Variants in DOCK2 observed in about 807,000 individuals in gnomAD.
DOCK2 encodes the protein dedicator of cytokinesis 2, also known as dedicator of cytokinesis protein 2.
DOCK2 carries 87 observed loss-of-function variants against 248.9 expected under a neutral mutation model. The observed-to-expected ratio is 0.35, with a 90% confidence interval of 0.29 to 0.42. The LOEUF (loss-of-function observed/expected upper bound fraction) is 0.42, where lower values mean the gene tolerates loss of function less well. Ranked by LOEUF, DOCK2 falls within the 10% of genes least tolerant of loss-of-function variation. DOCK2 has a pLI of 1.00. For synonymous variants in DOCK2, 805 were observed against 821.6 expected, an observed-to-expected ratio of 0.98 and a Z score of 0.35; for missense variants, 1,747 against 2,300.2, an observed-to-expected ratio of 0.76 and a Z score of 4.92.
At chr5:170,002,178 A>G (rs779467221) in intron 30 of DOCK2, among the ~76,000 whole-genome samples, 15 of 152,036 alleles carry the variant, frequency 9.9e-5, no homozygotes, top group Non-Finnish European at 2.2e-4. Context: ...CTACAAATGT[A>G]GTTTCCCATG....
chr5:169,840,142 G>A (rs554592460), intron 26 of DOCK2, among the ~76,000 whole-genome samples: 103 of 152,298 alleles, frequency 6.8e-4, no homozygotes, highest in Middle Eastern at 3.4e-3. Flanking sequence ...GGCTTCTGGG[G>A]AGGCCTCGGG....
chr5:169,668,998 T>C (rs12657748), intron 2 of DOCK2, among the ~76,000 whole-genome samples: 90,517 of 151,894 alleles, frequency 0.6, 27,308 homozygotes, highest in South Asian at 0.73. Flanking sequence ...CCCTGCTGCT[T>C]TTCTCCTCCC....
intron 25 of DOCK2, among the ~76,000 whole-genome samples, chr5:169,770,993 A>C (rs115559879): frequency 6.6e-6 from 1 of 152,222 alleles, no homozygotes; most frequent in Non-Finnish European, 1.5e-5. Context: ...TTGCTTGGCC[A>C]TAAGGGATCA....
At chr5:170,037,781 C>T (rs1049353615) in intron 36 of DOCK2, among the ~76,000 whole-genome samples, 3 of 152,136 alleles carry the variant, frequency 2.0e-5, no homozygotes, top group Non-Finnish European at 4.4e-5. Context: ...CCACTGCGTC[C>T]GGCCACAACA....
intron 22 of DOCK2, among the ~76,000 whole-genome samples, chr5:169,729,983 G>A (rs1310515418): frequency 6.6e-6 from 1 of 152,176 alleles, no homozygotes; most frequent in African/African-American, 2.4e-5. Context: ...TGGAGGTGGA[G>A]TCTCACTCTG....
intron 41 of DOCK2, among the ~76,000 whole-genome samples, chr5:170,054,447 C>T (rs17072023): frequency 0.32 from 49,070 of 152,050 alleles, 8,684 homozygotes; most frequent in African/African-American, 0.47. Flanking sequence ...TAAAGACAGA[C>T]CTAGAAGAGG....
chr5:169,751,869 AG>A (rs1763910952), intron 23 of DOCK2, among the ~76,000 whole-genome samples: 1 of 152,314 alleles, frequency 6.6e-6, no homozygotes. Flanking sequence ...GAGATCTTCA[AG>A]GAACCACTAT....
At chr5:169,670,486 C>A in intron 3 of DOCK2, 56 bp from the exon 4 acceptor site, 1 of 1,588,364 alleles carries the variant, frequency 6.3e-7, no homozygotes, top group Non-Finnish European at 8.6e-7. Flanking sequence ...TCATTCATTT[C>A]TGTGGTGATA....
chr5:169,653,858 G>T (rs1255557672), intron 1 of DOCK2, among the ~76,000 whole-genome samples: 12 of 152,132 alleles, frequency 7.9e-5, no homozygotes, highest in Non-Finnish European at 1.5e-4. Context: ...TCACACACTG[G>T]GACTGTCTTT....
At chr5:170,006,647 T>G (rs969410231) in intron 30 of DOCK2, among the ~76,000 whole-genome samples, 2 of 152,334 alleles carry the variant, frequency 1.3e-5, no homozygotes, top group South Asian at 2.1e-4. Flanking sequence ...TTTGTTTTTT[T>G]GGGCCCTGGG....
chr5:169,674,692 C>T (rs1759236308), intron 6 of DOCK2, among the ~76,000 whole-genome samples: 1 of 152,204 alleles, frequency 6.6e-6, no homozygotes, highest in Non-Finnish European at 1.5e-5. Context: ...TTAGGACACT[C>T]ATTTAACCTA....
At chr5:169,644,740 G>T (rs1408479337) in intron 1 of DOCK2, among the ~76,000 whole-genome samples, 1 of 151,698 alleles carries the variant, frequency 6.6e-6, no homozygotes, top group South Asian at 2.1e-4. Context: ...CGTCATCTAG[G>T]TTTTAAGCCC....
chr5:169,695,303 ATTGGGGTTG>A (rs1760547001), intron 9 of DOCK2: 2 of 159,888 alleles, frequency 1.3e-5, no homozygotes, highest in South Asian at 3.6e-4. Context: ...GCACTGAGAT[ATTGGGGTTG>A]TTAGCACTAC....
At chr5:169,831,751 C>G (rs961992429) in intron 26 of DOCK2, among the ~76,000 whole-genome samples, 8 of 152,166 alleles carry the variant, frequency 5.3e-5, no homozygotes, top group Non-Finnish European at 8.8e-5. Flanking sequence ...GATATTAGCT[C>G]TCAGTGTTGG....
chr5:169,912,240 T>G (rs540690581), intron 27 of DOCK2, among the ~76,000 whole-genome samples: 13 of 152,288 alleles, frequency 8.5e-5, no homozygotes, highest in African/African-American at 2.6e-4. Flanking sequence ...ATTTATTTAT[T>G]TAGAAAATGG....
intron 25 of DOCK2, among the ~76,000 whole-genome samples, chr5:169,771,344 C>T (rs1257156129): frequency 6.6e-6 from 1 of 152,124 alleles, no homozygotes; most frequent in Non-Finnish European, 1.5e-5. Flanking sequence ...AGTGCAGTGG[C>T]GTGATCTCGG....
chr5:169,683,895 A>C (rs1759810087), intron 7 of DOCK2, among the ~76,000 whole-genome samples: 1 of 152,250 alleles, frequency 6.6e-6, no homozygotes, highest in Admixed American at 6.5e-5. Flanking sequence ...TTCAAAGAGC[A>C]AAAGTTTATA....
intron 22 of DOCK2, among the ~76,000 whole-genome samples, chr5:169,723,550 C>T (rs1459621647): frequency 6.6e-6 from 1 of 152,056 alleles, no homozygotes; most frequent in Admixed American, 6.6e-5. Flanking sequence ...ACGGAGGACC[C>T]CATTTTCTGA....
Position 170,083,025 on chromosome 5 carries a change from A to G in DOCK2, c.*167A>G. The G allele has an allele frequency of 1.3e-6, 1 of 742,934 alleles. No individual in the cohort carries two copies. Among genetic ancestry groups the G allele is most frequent in the Non-Finnish European group, 2.2e-6 (1 of 458,066 alleles). 46.0% of individuals were successfully genotyped at this position (742,934 alleles called of 1,614,324 possible). On this transcript the variant is annotated 3_prime_UTR_variant, in exon 52 of 52. Transcript: ENST00000520908. ...ATCAGGTCCCAGAGCTTGAATGCTA[A>G]CAAGCCCAGCATCCCCTGGGGCTGT... is the stretch of plus-strand genomic sequence containing the variant.
Sources: allele counts gnomAD v4.1 joint callset (sites outside exome capture counted in the v4.1 genomes callset), GRCh38; gene constraint gnomAD v4.1.1; transcripts MANE v1.5; gene names NCBI Gene and HGNC (gene_info 2026-07-23, HGNC 2026-07-21).